NLK: variants seen among roughly 807,000 people sequenced by gnomAD.
The protein encoded by NLK is nemo like kinase, also known as serine/threonine-protein kinase NLK.
In NLK, 11 loss-of-function variants were observed where a neutral mutation model predicts 59.0. The ratio of observed to expected loss-of-function variants is 0.19; its 90% CI spans 0.12 to 0.31. The LOEUF is 0.31. NLK is among the 10% of genes least tolerant of loss of function. The pLI, the probability that NLK is intolerant of heterozygous loss-of-function variation, is 1.00. For missense variants in NLK, 410 were observed against 661.1 expected, an observed-to-expected ratio of 0.62 and a Z score of 4.16; for synonymous variants, 235 against 235.9, an observed-to-expected ratio of 1.00 and a Z score of 0.03.
In NLK at chr17:28,122,727, G is replaced by GATA; in HGVS notation, c.586_588dup (p.Asn196dup). ...GAAGATGTTGTGTTTTTTTAAGCATGATAATGTAAGTGAAATTGGTATTTG... is the reference window on the plus strand; with the variant it reads ...GAAGATGTTGTGTTTTTTTAAGCATGATAATAATGTAAGTGAAATTGGTATTTG... On this transcript the variant is annotated inframe_insertion, in exon 2 of 11. Transcript: ENST00000407008. 6.2e-7 allele frequency: 1 copy of GATA among 1,613,768 alleles called. No homozygotes were observed.
intron 3 of NLK, among the ~76,000 whole-genome samples, chr17:28,140,450 T>A (rs951196876): frequency 1.3e-5 from 2 of 152,150 alleles, no homozygotes; most frequent in Non-Finnish European, 2.9e-5. Context: ...CCACAATTTT[T>A]AAAAAACACC....
At chr17:28,166,187 TCTG>T (rs1908228296) in intron 5 of NLK, among the ~76,000 whole-genome samples, 1 of 152,180 alleles carries the variant, frequency 6.6e-6, no homozygotes, top group Non-Finnish European at 1.5e-5. Context: ...TGCACTTCAG[TCTG>T]GGTGACAGAG....
intron 6 of NLK, chr17:28,171,113 A>T (rs1407632584): frequency 6.6e-6 from 1 of 152,154 alleles, no homozygotes; most frequent in African/African-American, 2.4e-5. Context: ...TAAGCTAGTC[A>T]TTTCCTTCTG....
chr17:28,192,306 A>T, intron 10 of NLK, 93 bp downstream of exon 10: 2 of 708,590 alleles, frequency 2.8e-6, no homozygotes, highest in Non-Finnish European at 2.4e-6. Flanking sequence ...TATTTAGATA[A>T]CATAGATAAA....
chr17:28,182,059 T>A (rs1343732841), intron 7 of NLK, among the ~76,000 whole-genome samples: 2 of 152,060 alleles, frequency 1.3e-5, no homozygotes, highest in African/African-American at 4.8e-5. Context: ...TAAAGTAAAC[T>A]TCAGAAATCA....
chr17:28,051,559 A>G (rs1909257941), intron 1 of NLK, among the ~76,000 whole-genome samples: 1 of 151,458 alleles, frequency 6.6e-6, no homozygotes, highest in Admixed American at 6.6e-5. Flanking sequence ...GGGTTTCACC[A>G]TGTTGGCCAG....
At chr17:28,081,366 A>T (rs192189434) in intron 1 of NLK, among the ~76,000 whole-genome samples, 1,895 of 152,038 alleles carry the variant, frequency 0.012, 40 homozygotes, top group African/African-American at 0.043. Context: ...AAAAAAAAAA[A>T]TTTAATTTTT....
intron 1 of NLK, among the ~76,000 whole-genome samples, chr17:28,058,787 A>G (rs117107639): frequency 2.0e-5 from 3 of 152,280 alleles, no homozygotes; most frequent in Non-Finnish European, 4.4e-5. Flanking sequence ...AAAGGAAGAA[A>G]GTTTCCAATG....
chr17:28,122,575 TC>T (rs1567720172), intron 1 of NLK, 27 bp from the exon 2 acceptor site: 1 of 1,611,748 alleles, frequency 6.2e-7, no homozygotes, highest in Non-Finnish European at 8.5e-7. Flanking sequence ...GTCTTTTTTT[TC>T]CCCTTCCCCA....
At chr17:28,097,637 A>G (rs1904749726) in intron 1 of NLK, among the ~76,000 whole-genome samples, 1 of 152,112 alleles carries the variant, frequency 6.6e-6, no homozygotes, top group Non-Finnish European at 1.5e-5. Flanking sequence ...TTTAAAGTAT[A>G]TTGCTTTTTT....
At chr17:28,080,820 T>G (rs1174650453) in intron 1 of NLK, among the ~76,000 whole-genome samples, 1 of 152,204 alleles carries the variant, frequency 6.6e-6, no homozygotes, top group Non-Finnish European at 1.5e-5. Context: ...CGGTGTAAGT[T>G]AATGTTTTTA....
intron 3 of NLK, among the ~76,000 whole-genome samples, chr17:28,147,141 G>T (rs143706908): frequency 1.3e-5 from 2 of 151,834 alleles, no homozygotes; most frequent in East Asian, 3.9e-4. Context: ...TCTCAGTCTT[G>T]TCATTGAGTT....
intron 8 of NLK, among the ~76,000 whole-genome samples, chr17:28,186,975 T>C (rs1261322726): frequency 6.6e-6 from 1 of 152,234 alleles, no homozygotes; most frequent in African/African-American, 2.4e-5. Flanking sequence ...TTTACTATCA[T>C]TTGATATTTT....
intron 1 of NLK, among the ~76,000 whole-genome samples, chr17:28,053,632 T>C (rs1909337215): frequency 1.3e-5 from 2 of 152,200 alleles, no homozygotes; most frequent in Non-Finnish European, 1.5e-5. Flanking sequence ...TTTTTGTTTA[T>C]CCATTCTTTG....
chr17:28,191,977 T>C (rs1187617694), intron 9 of NLK, 143 bp from the exon 10 acceptor site: 2 of 533,060 alleles, frequency 3.8e-6, no homozygotes, highest in Admixed American at 3.6e-5. Flanking sequence ...TCAGCTGAAT[T>C]CTGCTTGATA....
chr17:28,175,875 A>G (rs1171652088), intron 7 of NLK, among the ~76,000 whole-genome samples: 2 of 152,254 alleles, frequency 1.3e-5, no homozygotes, highest in Admixed American at 6.5e-5. Flanking sequence ...CAGAAAATCT[A>G]TTAATATTTT....
At chr17:28,164,928 A>G (rs1250057973) in intron 5 of NLK, among the ~76,000 whole-genome samples, 1 of 152,084 alleles carries the variant, frequency 6.6e-6, no homozygotes, top group Non-Finnish European at 1.5e-5. Flanking sequence ...TATGAATGAA[A>G]ATTCTCCCTT....
At chr17:28,115,202 C>T (rs1000499884) in intron 1 of NLK, among the ~76,000 whole-genome samples, 1 of 152,154 alleles carries the variant, frequency 6.6e-6, no homozygotes, top group Non-Finnish European at 1.5e-5. Flanking sequence ...AAGAAACAGA[C>T]AGGAAGCCCA....
intron 1 of NLK, among the ~76,000 whole-genome samples, chr17:28,098,769 G>A (rs1188211847): frequency 7.4e-6 from 1 of 134,342 alleles, no homozygotes; most frequent in African/African-American, 2.8e-5. Context: ...CACACCCTCC[G>A]CCTCCCGGGT....
Sources: gnomAD v4.1 joint callset for allele counts (sites outside exome capture counted in the v4.1 genomes callset) on GRCh38, gnomAD v4.1.1 for gene constraint, MANE v1.5 for transcripts, NCBI Gene and HGNC (gene_info 2026-07-23, HGNC 2026-07-21) for gene names.